PCDHA3: variants seen among roughly 807,000 people sequenced by gnomAD.
PCDHA3 encodes the protein protocadherin alpha-3.
In PCDHA3, 41 loss-of-function variants were observed where a neutral mutation model predicts 62.2. The ratio of observed to expected loss-of-function variants is 0.66; its 90% CI spans 0.51 to 0.86. The LOEUF (loss-of-function observed/expected upper bound fraction) is 0.86. Among genes scored for constraint, PCDHA3 ranks in the 40% least tolerant of loss-of-function variants. The probability of loss-of-function intolerance (pLI) is 0.00; values close to 1 mark genes in which losing one functional copy is unlikely to be tolerated. For missense variants in PCDHA3, 1,304 were observed against 1,241.2 expected, an observed-to-expected ratio of 1.05 and a Z score of -0.76; for synonymous variants, 640 against 555.4, an observed-to-expected ratio of 1.15 and a Z score of -2.14.
chr5:140,889,424 A>G (rs2062220483), intron 1 of PCDHA3, among the ~76,000 whole-genome samples: 1 of 151,956 alleles, frequency 6.6e-6, no homozygotes, highest in African/African-American at 2.4e-5. Context: ...CGTAGATAAT[A>G]TTTTTTCAGG....
At position 140,968,564 on chromosome 5, in the gene PCDHA3, G is replaced by A. The variant is rs565573880; in HGVS notation, c.2395-10385G>A. ...CGAGATGGTGCCTCGAACTGCCCCT[G>A]CTGGCTACCTGGTCACCAAAGTCAT... On this transcript the variant is annotated intron_variant, in intron 1 of 3. Coordinates refer to ENST00000522353, the MANE Select transcript of PCDHA3 (RefSeq NM_018906.3). 3.1e-6 allele frequency: 5 copies of A among 1,614,168 alleles called. No homozygotes were observed. The Admixed American group carries it at 8.3e-5, about 27-fold the overall frequency.
At chr5:140,831,306 T>C (rs183127470) in intron 1 of PCDHA3, 1 of 152,292 alleles carries the variant, frequency 6.6e-6, no homozygotes, top group Non-Finnish European at 1.5e-5. Flanking sequence ...ATCTATTTCT[T>C]TGTATTAGTG....
intron 3 of PCDHA3, among the ~76,000 whole-genome samples, chr5:140,987,129 G>A (rs1281954011): frequency 1.3e-5 from 2 of 151,758 alleles, no homozygotes; most frequent in African/African-American, 4.8e-5. Flanking sequence ...CAGGAGAATT[G>A]CTTGAACTCG....
intron 1 of PCDHA3, chr5:140,969,097 C>G (rs2096295003): frequency 6.2e-7 from 1 of 1,614,072 alleles, no homozygotes; most frequent in African/African-American, 1.3e-5. Flanking sequence ...TGCAGCCTCA[C>G]TTCATTGAAG....
intron 1 of PCDHA3, among the ~76,000 whole-genome samples, chr5:140,898,839 A>C (rs2066999324): frequency 6.6e-6 from 1 of 152,280 alleles, no homozygotes; most frequent in East Asian, 1.9e-4. Flanking sequence ...ATGTTCTTCC[A>C]TTTCTTTGTA....
Position 140,842,387 on chromosome 5 carries a change from T to G in PCDHA3, c.2394+38796T>G, listed in dbSNP as rs2150335066. Reference sequence around the variant, plus strand: ...CCCTGAGATAGCACTGACTTCCTTATCCTTGCCTGTACGTGAAGACGCTCA... The same window carrying G: ...CCCTGAGATAGCACTGACTTCCTTAGCCTTGCCTGTACGTGAAGACGCTCA... On this transcript the variant is annotated intron_variant, in intron 1 of 3. Transcript: ENST00000522353. 4.3e-6 allele frequency: 7 copies of G among 1,611,016 alleles called. No individual in the cohort carries two copies. In the East Asian group the frequency reaches 1.6e-4, roughly 36 times the overall value.
chr5:140,858,306 G>A (rs1554151408), intron 1 of PCDHA3: 3 of 1,597,282 alleles, frequency 1.9e-6, no homozygotes, highest in South Asian at 1.1e-5. Flanking sequence ...CAGCAGAGGC[G>A]GCAGAGGGTG....
In PCDHA3 at chr5:140,801,966, A is replaced by C; in HGVS notation, c.769A>C (p.Asn257His). 1.2e-6 allele frequency: 2 copies of C among 1,614,214 alleles called. No homozygotes were observed. Among genetic ancestry groups the C allele is most frequent in the African/African-American group, 1.3e-5 (1 of 75,060 alleles). Reference protein sequence around the residue: ...YKVRLLENAPNGTLVVTVNAT... With the variant: ...YKVRLLENAPHGTLVVTVNAT... ...AGTCAGATTACTCGAAAATGCACCA[A>C]ATGGTACCCTAGTGGTGACCGTTAA... is the stretch of plus-strand genomic sequence containing the variant. The change falls in exon 1 of 4, where the codon AAT becomes CAT. Residue 257 changes from asparagine (N) to histidine (H), a missense_variant. By Grantham distance (68) the Asn-to-His change is moderately conservative. Coordinates refer to ENST00000522353, the MANE Select transcript of PCDHA3 (RefSeq NM_018906.3).
chr5:140,962,023 A>G (rs565113928), intron 1 of PCDHA3, among the ~76,000 whole-genome samples: 3 of 152,062 alleles, frequency 2.0e-5, no homozygotes, highest in African/African-American at 7.2e-5. Flanking sequence ...AGCTGGGACT[A>G]CAGGCACCCA....
At chr5:140,984,228 G>A (rs374551349) in intron 3 of PCDHA3, among the ~76,000 whole-genome samples, 180 of 152,262 alleles carry the variant, frequency 1.2e-3, no homozygotes, top group African/African-American at 4.0e-3. Context: ...TTGCTCTTAT[G>A]GAGGCATTGT....
chr5:140,927,150 G>GT, intron 1 of PCDHA3: 1 of 1,614,134 alleles, frequency 6.2e-7, no homozygotes, highest in Non-Finnish European at 8.5e-7. Context: ...GCGAACAGCT[G>GT]TGCAGGGCCA....
In PCDHA3 at chr5:140,802,828, C is replaced by T. The variant is rs1376843925; in HGVS notation, c.1631C>T (p.Pro544Leu). The T allele has an allele frequency of 1.9e-6, 3 of 1,613,528 alleles. No homozygotes were observed. Among genetic ancestry groups the T allele is most frequent in the Non-Finnish European group, 2.5e-6 (3 of 1,179,928 alleles). ...AGTGCGCGCGATGCGGGCGTGCCGC[C>T]TCTGGGCAGCAACGTGACGCTGCAG... ...QVSARDAGVP[P>L]LGSNVTLQVF... The change falls in exon 1 of 4, where the codon CCT (proline) becomes CTT (leucine). Residue 544 changes from proline (P) to leucine (L), a missense_variant. Coordinates refer to ENST00000522353, the MANE Select transcript of PCDHA3 (RefSeq NM_018906.3).
intron 1 of PCDHA3, chr5:140,862,507 G>C (rs2047400822): frequency 5.0e-6 from 2 of 401,986 alleles, no homozygotes; most frequent in Non-Finnish European, 5.0e-6. Flanking sequence ...ATGGGGACTC[G>C]CTTTCATTGT....
intron 1 of PCDHA3, among the ~76,000 whole-genome samples, chr5:140,937,729 G>A (rs1471512736): frequency 1.3e-5 from 2 of 151,886 alleles, no homozygotes; most frequent in African/African-American, 4.8e-5. Context: ...TGGCTAACAC[G>A]GTGAAACCCC....
chr5:140,858,291 A>C (rs782112368), intron 1 of PCDHA3: 1 of 1,597,182 alleles, frequency 6.3e-7, no homozygotes, highest in South Asian at 1.1e-5. Flanking sequence ...AGCTGGTCTT[A>C]CTCGCAGCAG....
At position 141,009,688 on chromosome 5, in the gene PCDHA3, C is replaced by A. The variant is rs2098413722; in HGVS notation, c.2604C>A (p.Thr868=). 1 of 1,613,960 alleles carries A rather than the reference C, an allele frequency of 6.2e-7. No individual in the cohort carries two copies. Among genetic ancestry groups the A allele is most frequent in the Admixed American group, 1.7e-5 (1 of 59,994 alleles). ...CGGGTGTCAACAGCAACAGCTGGAC[C>A]TTTAAATACGGACCAGGCAACCCCA... ...VGAGVNSNSW[T]FKYGPGNPKQ... is the part of the protein sequence containing the mutation. Residue 868 remains threonine, a synonymous_variant, in exon 4 of 4, where the codon ACC becomes ACA. Transcript: ENST00000522353.
At chr5:140,968,539 C>T (rs781815829) in intron 1 of PCDHA3, 30 of 1,614,078 alleles carry the variant, frequency 1.9e-5, no homozygotes, top group East Asian at 6.7e-5. Context: ...CAGCAGCCTT[C>T]GAGATGGTGC....
intron 1 of PCDHA3, among the ~76,000 whole-genome samples, chr5:140,941,693 G>C (rs2093147737): frequency 6.6e-6 from 1 of 151,900 alleles, no homozygotes; most frequent in South Asian, 2.1e-4. Flanking sequence ...TTACCTCTTT[G>C]GGCTTAGCTT....
chr5:140,809,496 T>A lies in PCDHA3; in HGVS notation c.2394+5905T>A. ...GAGGGCCCACCCAAGACCGACCTCA[T>A]GGCCTTCAGCCCCAGTTTACCTGAC... On this transcript the variant is annotated intron_variant, in intron 1 of 3. Coordinates refer to ENST00000522353, the MANE Select transcript of PCDHA3 (RefSeq NM_018906.3). The A allele has an allele frequency of 3.1e-6, 5 of 1,614,246 alleles. No homozygotes were observed. Among genetic ancestry groups the A allele is most frequent in the Non-Finnish European group, 4.2e-6 (5 of 1,180,030 alleles).
Sources: allele counts gnomAD v4.1 joint callset (sites outside exome capture counted in the v4.1 genomes callset), GRCh38; gene constraint gnomAD v4.1.1; transcripts MANE v1.5; gene names NCBI Gene and HGNC (gene_info 2026-07-23, HGNC 2026-07-21).